The following GRM7 variants were observed in gnomAD, a reference collection of about 807,000 sequenced individuals.
GRM7 encodes metabotropic glutamate receptor 7.
A neutral mutation model predicts 84.5 loss-of-function variants in GRM7; 35 were observed. The observed-to-expected ratio is 0.41, with a 90% CI of 0.32 to 0.55. The LOEUF (loss-of-function observed/expected upper bound fraction) is 0.55. GRM7 is among the 20% of genes least tolerant of loss of function. The pLI, the probability that GRM7 is intolerant of heterozygous loss-of-function variation, is 0.19. For synonymous variants in GRM7, 487 were observed against 455.1 expected (o/e 1.07, Z -0.89); for missense variants, 1,003 against 1,194.6 (o/e 0.84, Z 2.36).
chr3:7,139,705 G>T lies in GRM7; in HGVS notation c.520-6747G>T, dbSNP rs1391943. On this transcript the variant is annotated intron_variant, in intron 1 of 9. Transcript: ENST00000357716. ...AGCTGATTATAAAGATACTTTCATA[G>T]GTGATGAGTCAGCAGAGGTTTAGAA... 4.9e-4 allele frequency among the ~76,000 whole-genome samples: 74 copies of T among 152,038 alleles called. 1 individual carries two copies. The highest frequency in any genetic ancestry group is 7.5e-4 in the Non-Finnish European group (51 of 67,892).
intron 2 of GRM7, among the ~76,000 whole-genome samples, chr3:7,286,978 A>G (rs1699453373): frequency 6.6e-6 from 1 of 152,188 alleles, no homozygotes; most frequent in South Asian, 2.1e-4. Flanking sequence ...CTTTGGCTTT[A>G]TCAGGCACAG....
chr3:6,950,455 A>T (rs568541712), intron 1 of GRM7, among the ~76,000 whole-genome samples: 28 of 152,302 alleles, frequency 1.8e-4, no homozygotes, highest in Non-Finnish European at 3.1e-4. Flanking sequence ...GTGAGGTGTC[A>T]GTACGCCCCT....
intron 1 of GRM7, among the ~76,000 whole-genome samples, chr3:7,122,558 G>A (rs73117029): frequency 6.6e-6 from 1 of 152,214 alleles, no homozygotes; most frequent in African/African-American, 2.4e-5. Flanking sequence ...GTATAAAACT[G>A]TAGCTTTTAC....
At chr3:7,271,263 G>C (rs543557922) in intron 2 of GRM7, among the ~76,000 whole-genome samples, 2 of 152,284 alleles carry the variant, frequency 1.3e-5, no homozygotes, top group African/African-American at 4.8e-5. Context: ...GAACTCGTTA[G>C]AAATGCAGAA....
chr3:7,280,763 A>C (rs1477287209), intron 2 of GRM7, among the ~76,000 whole-genome samples: 2 of 152,340 alleles, frequency 1.3e-5, no homozygotes, highest in South Asian at 4.1e-4. Context: ...TTGAGGCACA[A>C]AATGATATGT....
chr3:7,384,131 C>T (rs1238380261), intron 4 of GRM7, among the ~76,000 whole-genome samples: 8 of 152,106 alleles, frequency 5.3e-5, no homozygotes, highest in African/African-American at 7.2e-5. Context: ...CGGGTTCAAG[C>T]GATTCTCGTG....
At chr3:7,629,083 A>C (rs111904592) in intron 8 of GRM7, among the ~76,000 whole-genome samples, 1 of 151,726 alleles carries the variant, frequency 6.6e-6, no homozygotes, top group African/African-American at 2.4e-5. Context: ...AAGGCTCTGT[A>C]AAAAAAAGGA....
chr3:7,734,254 G>T lies in GRM7; in HGVS notation c.2699-6103G>T, dbSNP rs1431752724. ...AATTTGCTTTGGCAGGGGCGGGGGG[G>T]GGGTTTCCTCTCAATGTGAGTTTAG... On this transcript the variant is annotated intron_variant, in intron 9 of 9. Coordinates refer to ENST00000357716, the MANE Select transcript of GRM7 (RefSeq NM_000844.4). 4.6e-4 allele frequency among the ~76,000 whole-genome samples: 58 copies of T among 125,950 alleles called. 1 individual carries two copies. The highest frequency in any genetic ancestry group is 3.1e-3 in the Admixed American group (37 of 11,874). 82.6% of individuals were successfully genotyped at this position (125,950 alleles called of 152,430 possible).
At chr3:7,252,503 T>G (rs1698029661) in intron 2 of GRM7, among the ~76,000 whole-genome samples, 2 of 152,130 alleles carry the variant, frequency 1.3e-5, no homozygotes, top group Admixed American at 6.5e-5. Context: ...GAGCAAAGCT[T>G]ATAAGATGCT....
intron 1 of GRM7, among the ~76,000 whole-genome samples, chr3:7,102,466 T>G (rs1293018772): frequency 6.6e-6 from 1 of 151,746 alleles, no homozygotes; most frequent in Admixed American, 6.6e-5. Flanking sequence ...CTCTTTGTCT[T>G]TGGTTTTCGG....
chr3:7,119,440 G>T (rs1414022997), intron 1 of GRM7, among the ~76,000 whole-genome samples: 1 of 152,070 alleles, frequency 6.6e-6, no homozygotes, highest in African/African-American at 2.4e-5. Flanking sequence ...TCACACACAT[G>T]ACTAGATTCG....
chr3:6,996,824 C>G (rs6414457), intron 1 of GRM7, among the ~76,000 whole-genome samples: 149,654 of 152,320 alleles, frequency 0.98, 73,529 homozygotes, highest in Middle Eastern at 1. Flanking sequence ...GAGGGTCTTA[C>G]TCACCAGAAT....
intron 1 of GRM7, among the ~76,000 whole-genome samples, chr3:7,034,486 C>G (rs1004727665): frequency 1.3e-5 from 2 of 152,010 alleles, no homozygotes; most frequent in Admixed American, 6.6e-5. Context: ...TTATAGCTAC[C>G]TTAAGATAAA....
chr3:7,132,033 A>T (rs752736119), intron 1 of GRM7, among the ~76,000 whole-genome samples: 1 of 152,130 alleles, frequency 6.6e-6, no homozygotes, highest in Non-Finnish European at 1.5e-5. Context: ...AAAGGCTTTC[A>T]TTTGCTCTTT....
At chr3:6,930,339 G>A (rs572814385) in intron 1 of GRM7, among the ~76,000 whole-genome samples, 8 of 152,318 alleles carry the variant, frequency 5.3e-5, no homozygotes, top group Non-Finnish European at 1.0e-4. Flanking sequence ...GTGAAACAAT[G>A]TTCGATAAAA....
At chr3:7,392,108 G>C (rs541294987) in intron 4 of GRM7, among the ~76,000 whole-genome samples, 2 of 152,278 alleles carry the variant, frequency 1.3e-5, no homozygotes, top group Non-Finnish European at 2.9e-5. Context: ...GGTGTGGTTT[G>C]AACTGAGGAG....
intron 9 of GRM7, among the ~76,000 whole-genome samples, chr3:7,708,323 A>T (rs1441547292): frequency 6.6e-6 from 1 of 151,844 alleles, no homozygotes; most frequent in Non-Finnish European, 1.5e-5. Flanking sequence ...ACAATCATCA[A>T]ATAATAGTAT....
chr3:7,425,223 G>A (rs1481306736), intron 5 of GRM7, among the ~76,000 whole-genome samples: 2 of 152,148 alleles, frequency 1.3e-5, no homozygotes, highest in African/African-American at 4.8e-5. Context: ...CTGATAAACA[G>A]CTGTAGTGGA....
At chr3:7,592,336 G>A in intron 8 of GRM7, among the ~76,000 whole-genome samples, 1 of 152,036 alleles carries the variant, frequency 6.6e-6, no homozygotes. Context: ...CTCAGAGCAG[G>A]GCTCACTGAG....
Sources: gnomAD v4.1 joint callset for allele counts (sites outside exome capture counted in the v4.1 genomes callset) on GRCh38, gnomAD v4.1.1 for gene constraint, MANE v1.5 for transcripts, NCBI Gene and HGNC (gene_info 2026-07-23, HGNC 2026-07-21) for gene names.